Variants in PDE6C observed in about 807,000 individuals in gnomAD.
The protein encoded by PDE6C is phosphodiesterase 6C, also known as cone cGMP-specific 3',5'-cyclic phosphodiesterase subunit alpha'.
A neutral mutation model predicts 113.1 loss-of-function variants in PDE6C; 75 were observed. The observed-to-expected ratio is 0.66, with a 90% CI of 0.55 to 0.80. The LOEUF (loss-of-function observed/expected upper bound fraction) is 0.80. Ranked by LOEUF, PDE6C falls within the 30% of genes least tolerant of loss-of-function variation. PDE6C has a pLI of 0.00. For synonymous variants in PDE6C, 375 were observed against 363.7 expected (o/e 1.03, Z -0.35); for missense variants, 912 against 1,038.6 (o/e 0.88, Z 1.67).
chr10:93,655,610 C>CAAAAAAAAAAAAAAAAAAAAGAAA, intron 15 of PDE6C, 150 bp from the exon 16 acceptor site: 1 of 265,122 alleles, frequency 3.8e-6, no homozygotes, highest in Non-Finnish European at 6.6e-6. Context: ...AAAAGCAAGC[C>CAAAAAAAAAAAAAAAAAAAAGAAA]AAAAAAAAAA....
Position 93,620,727 on chromosome 10 carries a change from T to A in PDE6C, c.576T>A (p.Ala192=). Residue 192 remains alanine, a synonymous_variant, in exon 2 of 22, where the codon GCT becomes GCA. Coordinates refer to ENST00000371447, the MANE Select transcript of PDE6C (RefSeq NM_006204.4). ...TPIVVGKEVL[A]VIMAVNKVNA... is the part of the protein sequence containing the mutation. Reference sequence around the variant, plus strand: ...TCGTGGTGGGCAAGGAGGTTCTTGCTGTGATCATGGCAGTTAACAAAGTAA... The same window carrying A: ...TCGTGGTGGGCAAGGAGGTTCTTGCAGTGATCATGGCAGTTAACAAAGTAA... The A allele has an allele frequency of 6.2e-7, 1 of 1,614,194 alleles. No individual in the cohort carries two copies. The highest frequency in any genetic ancestry group is 1.1e-5 in the South Asian group (1 of 91,084).
chr10:93,648,910 A>G (rs2094210), intron 15 of PDE6C, among the ~76,000 whole-genome samples: 70,507 of 152,062 alleles, frequency 0.46, 17,308 homozygotes, highest in Non-Finnish European at 0.54. Context: ...CCCATTTTAC[A>G]CATAGAAATG....
chr10:93,632,000 G>C (rs1246604458), intron 8 of PDE6C, among the ~76,000 whole-genome samples: 2 of 152,170 alleles, frequency 1.3e-5, no homozygotes, highest in African/African-American at 4.8e-5. Context: ...TGGGACTCTT[G>C]CTTTCTGGAG....
intron 5 of PDE6C, among the ~76,000 whole-genome samples, chr10:93,626,098 C>T (rs528896217): frequency 6.6e-6 from 1 of 152,152 alleles, no homozygotes; most frequent in Non-Finnish European, 1.5e-5. Flanking sequence ...GTCCAGGCCT[C>T]AGATTCATCA....
At position 93,622,665 on chromosome 10, in the gene PDE6C, G is replaced by GT. The variant is rs772786278; in HGVS notation, c.864+606dup. Among the ~76,000 whole-genome samples the GT allele has an allele frequency of 7.9e-3, 443 of 56,060 alleles. 5 individuals are homozygous for GT. The highest frequency in any genetic ancestry group is 0.022 in the East Asian group (35 of 1,604). The allele number at this position is 56,060 out of a possible 152,430, so 36.8% of individuals were successfully genotyped here. A position where few individuals can be genotyped will look rare whatever the true frequency, so the allele number is the denominator to read the frequency against. Reference sequence around the variant, plus strand: ...TTTTTTTTTTGTTTTTTTTTTTGTTGTTTTTTTTTTTTTGCTGTTTCTATA... The same window carrying GT: ...TTTTTTTTTTGTTTTTTTTTTTGTTGTTTTTTTTTTTTTTGCTGTTTCTATA... On this transcript the variant is annotated intron_variant, in intron 4 of 21. Coordinates refer to ENST00000371447, the MANE Select transcript of PDE6C (RefSeq NM_006204.4).
At chr10:93,645,145 T>TA (rs1291307828) in intron 14 of PDE6C, among the ~76,000 whole-genome samples, 1 of 151,924 alleles carries the variant, frequency 6.6e-6, no homozygotes, top group Non-Finnish European at 1.5e-5. Context: ...CTCATTTTTT[T>TA]AAAAATCTCT....
rs553159891 is a variant in PDE6C at position 93,630,334 on chromosome 10, C to T, written c.1119+1029C>T. Among the ~76,000 whole-genome samples, 10 of 150,436 alleles carry T rather than the reference C, an allele frequency of 6.6e-5. No individual in the cohort carries two copies. The East Asian group carries it at 9.9e-4, about 15-fold the overall frequency. On this transcript the variant is annotated intron_variant, in intron 8 of 21. Coordinates refer to ENST00000371447, the MANE Select transcript of PDE6C (RefSeq NM_006204.4). ...CCCGAGTTGATCCCTCCCCGCCCCC[C>T]GAGTTCATCCAGCCCACCAGAAGGG...
rs765296989 is a variant in PDE6C at position 93,613,205 on chromosome 10, G to T, written c.480G>T (p.Lys160Asn). The change falls in exon 1 of 22, where the codon AAG becomes AAT. Residue 160 changes from lysine (K) to asparagine (N), a missense_variant and splice_region_variant. Transcript: ENST00000371447. ...KKTHNVPDVK[K>N]NSHFSDFMDK... is the part of the protein sequence containing the mutation. ...CTCATAATGTCCCAGATGTGAAAAAGGTAGGTGGCCTTATGACAGTGGGGC... is the reference window on the plus strand; with the variant it reads ...CTCATAATGTCCCAGATGTGAAAAATGTAGGTGGCCTTATGACAGTGGGGC... 3.7e-6 allele frequency: 6 copies of T among 1,613,632 alleles called. No homozygotes were observed. Among genetic ancestry groups the T allele is most frequent in the Admixed American group, 1.7e-5 (1 of 60,024 alleles).
chr10:93,646,062 C>G lies in PDE6C; in HGVS notation c.1935+15C>G. The G allele has an allele frequency of 7.3e-7, 1 of 1,371,168 alleles. No individual in the cohort carries two copies. Among genetic ancestry groups the G allele is most frequent in the Non-Finnish European group, 1.0e-6 (1 of 957,694 alleles). 84.9% of individuals were successfully genotyped at this position (1,371,168 alleles called of 1,614,324 possible). A position where few individuals can be genotyped will look rare whatever the true frequency, so the allele number is the denominator to read the frequency against. On this transcript the variant is annotated intron_variant, in intron 15 of 21. Transcript: ENST00000371447. ...TGCAGGATGAGGTACGTAAACCTCT[C>G]TTTAGGACAGCTAAACACAAATTCT... is the stretch of plus-strand genomic sequence containing the variant.
intron 4 of PDE6C, 107 bp downstream of exon 4, chr10:93,622,179 A>C: frequency 8.9e-7 from 1 of 1,129,660 alleles, no homozygotes. Flanking sequence ...ATAATTAGTC[A>C]TGATTGATGA....
intron 14 of PDE6C, among the ~76,000 whole-genome samples, chr10:93,643,828 C>T (rs1039948475): frequency 6.6e-6 from 1 of 151,678 alleles, no homozygotes; most frequent in Admixed American, 6.6e-5. Context: ...ACAATGATCA[C>T]CCTCAGTATT....
At chr10:93,628,798 T>C (rs1486681929) in intron 7 of PDE6C, among the ~76,000 whole-genome samples, 1 of 152,156 alleles carries the variant, frequency 6.6e-6, no homozygotes, top group Admixed American at 6.5e-5. Flanking sequence ...GAATCCTTAC[T>C]TTGGTGTAAC....
At chr10:93,616,970 G>GT (rs1564795096) in intron 1 of PDE6C, among the ~76,000 whole-genome samples, 1 of 152,102 alleles carries the variant, frequency 6.6e-6, no homozygotes, top group Admixed American at 6.6e-5. Flanking sequence ...TCTTTAAGTT[G>GT]TTTTTTTCTC....
rs779718367 is a variant in PDE6C, at chr10:93,637,065, T to C, written c.1482+2T>C. On this transcript the variant is annotated splice_donor_variant, in intron 11 of 21. Coordinates refer to ENST00000371447, the MANE Select transcript of PDE6C (RefSeq NM_006204.4). LOFTEE classifies it high-confidence loss of function. The stretch of plus-strand genomic sequence containing the variant: ...GAAAAACAACTTGTTGCAATTTTGG[T>C]AAGTGTTTTCTTTCTAACCTTAATG... The C allele has an allele frequency of 6.4e-7, 1 of 1,559,832 alleles. No homozygotes were observed. The highest frequency in any genetic ancestry group is 1.1e-5 in the South Asian group (1 of 89,742).
At chr10:93,650,125 A>G (rs936501918) in intron 15 of PDE6C, among the ~76,000 whole-genome samples, 2 of 152,222 alleles carry the variant, frequency 1.3e-5, no homozygotes, top group Non-Finnish European at 1.5e-5. Flanking sequence ...TAGATTTTAT[A>G]TAAGTGCAAT....
intron 19 of PDE6C, 76 bp from the exon 20 acceptor site, chr10:93,662,484 A>AT: frequency 8.4e-6 from 5 of 593,262 alleles, no homozygotes; most frequent in South Asian, 1.7e-5. Flanking sequence ...AAAAAAAAAA[A>AT]GTTATCAGGA....
At chr10:93,664,191 G>A (rs1564807222) in intron 21 of PDE6C, among the ~76,000 whole-genome samples, 1 of 152,142 alleles carries the variant, frequency 6.6e-6, no homozygotes, top group Non-Finnish European at 1.5e-5. Flanking sequence ...ATTTGGTGGG[G>A]GAACTAAACA....
intron 13 of PDE6C, 125 bp downstream of exon 13, chr10:93,640,682 G>T: frequency 1.3e-6 from 1 of 775,232 alleles, no homozygotes; most frequent in Non-Finnish European, 2.3e-6. Flanking sequence ...ACCCCTCTCC[G>T]CTGCAGATGA....
chr10:93,635,352 T>C (rs577021163), intron 9 of PDE6C, 145 bp from the exon 10 acceptor site: 1 of 666,618 alleles, frequency 1.5e-6, no homozygotes, highest in African/African-American at 1.8e-5. Context: ...TGAAGCTGAT[T>C]ATTAGTATGT....
Sources: allele counts gnomAD v4.1 joint callset (sites outside exome capture counted in the v4.1 genomes callset), GRCh38; gene constraint gnomAD v4.1.1; transcripts MANE v1.5; gene names NCBI Gene and HGNC (gene_info 2026-07-23, HGNC 2026-07-21).